Variants in C2CD5 observed in about 807,000 individuals in gnomAD.
C2CD5 encodes C2 calcium dependent domain containing 5.
In C2CD5, 109 loss-of-function variants were observed where a neutral mutation model predicts 130.3. That is an observed-to-expected ratio of 0.84 (90% CI 0.72 to 0.98). The LOEUF is 0.98. Ranked by LOEUF, C2CD5 falls within the 50% of genes least tolerant of loss-of-function variation. C2CD5 has a pLI of 0.00. For missense variants in C2CD5, 996 were observed against 1,261.8 expected, an observed-to-expected ratio of 0.79 and a Z score of 3.19; for synonymous variants, 454 against 429.2, an observed-to-expected ratio of 1.06 and a Z score of -0.71.
chr12:22,527,926 G>A (rs764426974), intron 3 of C2CD5, 34 bp from the exon 4 acceptor site: 1 of 1,409,162 alleles, frequency 7.1e-7, no homozygotes, highest in South Asian at 1.4e-5. Flanking sequence ...AACTCATATA[G>A]TTTTTAAATC....
At chr12:22,496,623 T>C (rs557292709) in intron 10 of C2CD5, among the ~76,000 whole-genome samples, 3 of 150,562 alleles carry the variant, frequency 2.0e-5, no homozygotes, top group African/African-American at 7.3e-5. Flanking sequence ...ATAAAAGTTA[T>C]TATTTTAGGA....
chr12:22,515,384 A>T (rs560603431), intron 8 of C2CD5, among the ~76,000 whole-genome samples: 3 of 152,272 alleles, frequency 2.0e-5, no homozygotes, highest in Admixed American at 6.5e-5. Flanking sequence ...CATTCATTAA[A>T]ATTTTTTAAA....
At chr12:22,478,533 T>G (rs1944213114) in intron 14 of C2CD5, 56 bp from the exon 15 acceptor site, 1 of 1,459,692 alleles carries the variant, frequency 6.9e-7, no homozygotes, top group African/African-American at 1.4e-5. Context: ...ATAACAGTCC[T>G]TAAGTTTTCA....
rs539655663 is a variant in C2CD5 at position 22,524,548 on chromosome 12, T to C, written c.525A>G (p.Glu175=). Reference sequence around the variant, plus strand: ...TGCGAATTCGATCAATCCACTGATATTCTGGGTCTTCATTGACCACAAGTT... The same window carrying C: ...TGCGAATTCGATCAATCCACTGATACTCTGGGTCTTCATTGACCACAAGTT... ...VEELVVNEDP[E]YQWIDRIRTP... The change falls in exon 6 of 27, where the codon GAA becomes GAG. Residue 175 remains glutamate, a synonymous_variant. Coordinates refer to ENST00000446597, the MANE Select transcript of C2CD5 (RefSeq NM_001286176.2). The C allele has an allele frequency of 2.5e-6, 4 of 1,613,718 alleles. No individual in the cohort carries two copies. In the South Asian group the frequency reaches 3.3e-5, roughly 13 times the overall value.
intron 6 of C2CD5, among the ~76,000 whole-genome samples, chr12:22,523,880 C>T (rs1040956482): frequency 2.7e-5 from 4 of 150,266 alleles, no homozygotes; most frequent in African/African-American, 1.0e-4. Flanking sequence ...AATATATTTG[C>T]TATATAAATA....
At chr12:22,470,934 G>C in intron 20 of C2CD5, 23 bp from the exon 21 acceptor site, 1 of 1,540,886 alleles carries the variant, frequency 6.5e-7, no homozygotes, top group Non-Finnish European at 8.9e-7. Flanking sequence ...AAACAATAAT[G>C]GTTAGCAAAA....
chr12:22,454,371 T>C (rs950420886), intron 25 of C2CD5, among the ~76,000 whole-genome samples: 2 of 152,138 alleles, frequency 1.3e-5, no homozygotes, highest in Non-Finnish European at 2.9e-5. Flanking sequence ...ACCTTCAACA[T>C]CTCCATCATA....
At chr12:22,481,983 T>A (rs1167912102) in intron 14 of C2CD5, among the ~76,000 whole-genome samples, 3 of 151,910 alleles carry the variant, frequency 2.0e-5, no homozygotes, top group Non-Finnish European at 4.4e-5. Flanking sequence ...AGGTGCACAT[T>A]TATGATAAAG....
rs1285107054 is a variant in C2CD5 at position 22,530,107 on chromosome 12, TATATAC to T, written c.178-2221_178-2216del. Among the ~76,000 whole-genome samples, 219 of 111,552 alleles carry T rather than the reference TATATAC, an allele frequency of 2.0e-3. 1 individual carries two copies. The highest frequency in any genetic ancestry group is 6.8e-3 in the East Asian group (29 of 4,290). The allele number at this position is 111,552 out of a possible 152,430, so 73.2% of individuals were successfully genotyped here. A position where few individuals can be genotyped will look rare whatever the true frequency, so the allele number is the denominator to read the frequency against. The stretch of plus-strand genomic sequence containing the variant: ...ATATATATATATATATATATATATA[TATATAC>T]ACACACACACACACACACACACACA... On this transcript the variant is annotated intron_variant, in intron 3 of 26. Transcript: ENST00000446597.
chr12:22,521,364 G>A (rs945935662), intron 7 of C2CD5, among the ~76,000 whole-genome samples: 1 of 152,096 alleles, frequency 6.6e-6, no homozygotes, highest in Non-Finnish European at 1.5e-5. Context: ...AGGAGAAAAC[G>A]TATACAATCC....
intron 9 of C2CD5, among the ~76,000 whole-genome samples, chr12:22,509,770 T>C (rs1948983687): frequency 6.6e-6 from 1 of 152,236 alleles, no homozygotes; most frequent in Non-Finnish European, 1.5e-5. Flanking sequence ...ATTTTTTATA[T>C]GAAAAACTGA....
rs1339276127 is a variant in C2CD5 at position 22,484,767 on chromosome 12, C to T, written c.1480G>A (p.Val494Ile). Residue 494 changes from valine (V) to isoleucine (I), a missense_variant, in exon 13 of 27, where the codon GTT (valine) becomes ATT (isoleucine). By Grantham distance (29) the Val-to-Ile change is conservative (BLOSUM62 3). Coordinates refer to ENST00000446597, the MANE Select transcript of C2CD5 (RefSeq NM_001286176.2). ...YNCRKQKVPD[V>I]LFTTIDLPTD... ...GGGAGGTCTATAGTTGTAAACAGAA[C>T]ATCAGGAACTTTTTGTTTCCTGCAG... 7 of 1,610,106 alleles carry T rather than the reference C, an allele frequency of 4.3e-6. No individual in the cohort carries two copies. The South Asian group carries it at 6.6e-5, about 15-fold the overall frequency.
At chr12:22,534,446 T>C (rs1314119720) in intron 3 of C2CD5, among the ~76,000 whole-genome samples, 4 of 152,136 alleles carry the variant, frequency 2.6e-5, no homozygotes, top group African/African-American at 4.8e-5. Flanking sequence ...GACAACCTAT[T>C]GAATGAGTGA....
chr12:22,465,228 G>C (rs1941863179), intron 22 of C2CD5, among the ~76,000 whole-genome samples: 1 of 151,630 alleles, frequency 6.6e-6, no homozygotes, highest in Non-Finnish European at 1.5e-5. Flanking sequence ...AAATACTCTA[G>C]TAAAAGCAAA....
At chr12:22,527,500 TAG>T (rs1456476872) in intron 4 of C2CD5, among the ~76,000 whole-genome samples, 1 of 151,844 alleles carries the variant, frequency 6.6e-6, no homozygotes, top group Non-Finnish European at 1.5e-5. Context: ...GTATTTTTAG[TAG>T]AGACGGGGTT....
intron 15 of C2CD5, 96 bp downstream of exon 15, chr12:22,478,217 A>G (rs1944154755): frequency 2.1e-6 from 2 of 942,774 alleles, no homozygotes; most frequent in Admixed American, 3.8e-5. Context: ...AGAGCTAAAC[A>G]GTGAAAAAAA....
At chr12:22,499,518 G>A (rs1053275262) in intron 10 of C2CD5, among the ~76,000 whole-genome samples, 7 of 152,190 alleles carry the variant, frequency 4.6e-5, no homozygotes, top group Non-Finnish European at 1.0e-4. Flanking sequence ...TACGTGGCAT[G>A]TAATAAGTTC....
chr12:22,525,791 A>G (rs533932096), intron 4 of C2CD5, 86 bp from the exon 5 acceptor site: 5 of 741,772 alleles, frequency 6.7e-6, no homozygotes, highest in African/African-American at 3.5e-5. Context: ...CTAAATAATG[A>G]TTTTAAAATA....
intron 13 of C2CD5, among the ~76,000 whole-genome samples, chr12:22,483,964 T>A (rs1002025840): frequency 6.6e-6 from 1 of 152,092 alleles, no homozygotes; most frequent in Admixed American, 6.6e-5. Flanking sequence ...GAGTTACAAA[T>A]CTGGGAGTCA....
Sources: allele counts gnomAD v4.1 joint callset (sites outside exome capture counted in the v4.1 genomes callset), GRCh38; gene constraint gnomAD v4.1.1; transcripts MANE v1.5; gene names NCBI Gene and HGNC (gene_info 2026-07-23, HGNC 2026-07-21).